The following KIDINS220 variants were observed in gnomAD, a reference collection of about 807,000 sequenced individuals.
KIDINS220 encodes kinase D interacting substrate 220, also known as kinase D-interacting substrate of 220 kDa.
A neutral mutation model predicts 157.6 loss-of-function variants in KIDINS220; 63 were observed. The ratio of observed to expected loss-of-function variants is 0.40; its 90% CI spans 0.33 to 0.49. The LOEUF (loss-of-function observed/expected upper bound fraction) is 0.49, where lower values mean the gene tolerates loss of function less well. KIDINS220 is among the 20% of genes least tolerant of loss of function. The pLI, the probability that KIDINS220 is intolerant of heterozygous loss-of-function variation, is 0.66. For synonymous variants in KIDINS220, 732 were observed against 783.6 expected (o/e 0.93, Z 1.10); for missense variants, 1,772 against 2,171.2 (o/e 0.82, Z 3.65).
chr2:8,799,836 G>A (rs1056753651), intron 9 of KIDINS220, among the ~76,000 whole-genome samples: 1 of 152,174 alleles, frequency 6.6e-6, no homozygotes, highest in Non-Finnish European at 1.5e-5. Flanking sequence ...TAAAGCTCTT[G>A]AAGTATTTGA....
chr2:8,779,495 C>T (rs144047575), intron 18 of KIDINS220, among the ~76,000 whole-genome samples, 179 bp downstream of exon 18: 2 of 152,188 alleles, frequency 1.3e-5, no homozygotes, highest in South Asian at 4.1e-4. Flanking sequence ...TGTGACTAAA[C>T]ATTTATTCTT....
chr2:8,811,513 G>A (rs1331993378), intron 6 of KIDINS220, among the ~76,000 whole-genome samples: 1 of 152,152 alleles, frequency 6.6e-6, no homozygotes, highest in African/African-American at 2.4e-5. Context: ...AGGCAGAGGA[G>A]GGAATAACAT....
At chr2:8,827,762 G>A (rs1679028301) in intron 1 of KIDINS220, among the ~76,000 whole-genome samples, 2 of 151,990 alleles carry the variant, frequency 1.3e-5, no homozygotes, top group African/African-American at 4.8e-5. Context: ...ATTCCACAAT[G>A]GATACATGTA....
At chr2:8,747,398 A>T in intron 25 of KIDINS220, 197 bp from the exon 26 acceptor site, 2 of 566,318 alleles carry the variant, frequency 3.5e-6, no homozygotes, top group East Asian at 5.8e-5. Flanking sequence ...GGAACCTCTA[A>T]TATTTTGGGC....
intron 21 of KIDINS220, among the ~76,000 whole-genome samples, chr2:8,776,348 T>C (rs1425848401): frequency 6.6e-6 from 1 of 152,094 alleles, no homozygotes; most frequent in African/African-American, 2.4e-5. Flanking sequence ...CACAGGGCAA[T>C]AATCCTCAAT....
intron 11 of KIDINS220, 80 bp downstream of exon 11, chr2:8,796,690 AT>A: frequency 3.8e-6 from 4 of 1,040,450 alleles, no homozygotes; most frequent in Non-Finnish European, 6.1e-6. Context: ...CTAAAATCAG[AT>A]CCCCATTAAA....
At chr2:8,827,933 G>A (rs961422481) in intron 1 of KIDINS220, among the ~76,000 whole-genome samples, 1 of 152,060 alleles carries the variant, frequency 6.6e-6, no homozygotes, top group Non-Finnish European at 1.5e-5. Context: ...TCTGAGTGGG[G>A]CCCCTGACTC....
At chr2:8,809,689 C>G (rs2148360393) in intron 6 of KIDINS220, among the ~76,000 whole-genome samples, 1 of 151,668 alleles carries the variant, frequency 6.6e-6, no homozygotes, top group South Asian at 2.1e-4. Flanking sequence ...CTACAGGTTT[C>G]TACCACTTCA....
At chr2:8,833,577 T>C (rs1317044273) in intron 1 of KIDINS220, among the ~76,000 whole-genome samples, 1 of 151,334 alleles carries the variant, frequency 6.6e-6, no homozygotes, top group African/African-American at 2.4e-5. Flanking sequence ...TTAAAAGGAA[T>C]GAATTATTTT....
intron 22 of KIDINS220, among the ~76,000 whole-genome samples, chr2:8,759,506 C>A (rs531536644): frequency 1.4e-3 from 204 of 150,316 alleles, no homozygotes; most frequent in African/African-American, 4.8e-3. Flanking sequence ...ATTAAAAAAA[C>A]CCTTAAACTC....
In KIDINS220 at chr2:8,731,400, C is replaced by T. The variant is rs750297957; in HGVS notation, c.4636G>A (p.Glu1546Lys). 5.0e-6 allele frequency: 8 copies of T among 1,614,064 alleles called. No homozygotes were observed. The Admixed American group carries it at 8.3e-5, about 17-fold the overall frequency. ...TTCGGCACTCTCTCTACTTTCCCTT[C>T]GGCTTTTCTGTCTTTGTCATCTTTG... Reference protein sequence around the residue: ...LLKDDKDRKAEGKVERVPKSP... With the variant: ...LLKDDKDRKAKGKVERVPKSP... Residue 1546 changes from glutamate to lysine, a missense_variant, in exon 30 of 30, where the codon GAA becomes AAA. This residue lies in a region of KIDINS220 where 793 missense variants were observed against 885.5 expected (regional missense o/e 0.90). Transcript: ENST00000256707. The surrounding 1 kb of genome is among the most constrained non-coding windows in gnomAD (Gnocchi z 5.2).
intron 2 of KIDINS220, among the ~76,000 whole-genome samples, chr2:8,821,304 C>G (rs1263751141): frequency 6.6e-6 from 1 of 151,848 alleles, no homozygotes; most frequent in Non-Finnish European, 1.5e-5. Context: ...CACCCAGTAT[C>G]TAGAAAGACA....
chr2:8,794,033 T>C lies in KIDINS220; in HGVS notation c.1099-46A>G, dbSNP rs1014637409. 21 of 1,415,010 alleles carry C rather than the reference T, an allele frequency of 1.5e-5. No individual in the cohort carries two copies. In the African/African-American group the frequency reaches 1.7e-4, roughly 12 times the overall value. The allele number at this position is 1,415,010 out of a possible 1,614,324, so 87.7% of individuals were successfully genotyped here. A position where few individuals can be genotyped will look rare whatever the true frequency, so the allele number is the denominator to read the frequency against. ...ACTTGAACTTTCTTATCTTTATATA[T>C]AGTATGCAGACAGTAACAATTTTCA... On this transcript the variant is annotated intron_variant, in intron 11 of 29. Coordinates refer to ENST00000256707, the MANE Select transcript of KIDINS220 (RefSeq NM_020738.4).
At chr2:8,819,308 A>AAG in intron 2 of KIDINS220, among the ~76,000 whole-genome samples, 2 of 152,182 alleles carry the variant, frequency 1.3e-5, no homozygotes, top group Non-Finnish European at 2.9e-5. Flanking sequence ...AGTTCATTAA[A>AAG]CTAAATAAAG....
intron 4 of KIDINS220, among the ~76,000 whole-genome samples, chr2:8,813,861 T>A (rs1463784093): frequency 6.6e-6 from 1 of 152,088 alleles, no homozygotes; most frequent in Non-Finnish European, 1.5e-5. Context: ...GAGGCAGAGG[T>A]TGCAGTAAGC....
intron 22 of KIDINS220, among the ~76,000 whole-genome samples, chr2:8,763,946 T>A (rs567750184): frequency 6.6e-6 from 1 of 152,248 alleles, no homozygotes; most frequent in Middle Eastern, 3.2e-3. Flanking sequence ...TGCACATATA[T>A]GTTTATAGCA....
At position 8,796,293 on chromosome 2, in the gene KIDINS220, T is replaced by C. The variant is rs953360001; in HGVS notation, c.1098+478A>G. Among the ~76,000 whole-genome samples the C allele has an allele frequency of 3.3e-5, 5 of 152,308 alleles. 1 individual carries two copies. Among genetic ancestry groups the C allele is most frequent in the South Asian group, 4.1e-4 (2 of 4,824 alleles). On this transcript the variant is annotated intron_variant, in intron 11 of 29. Coordinates refer to ENST00000256707, the MANE Select transcript of KIDINS220 (RefSeq NM_020738.4). ...ACTAAAATGAAAAATCAAATCTATA[T>C]GAAGTATGAAGCCACTTAGAGCTAA...
At chr2:8,780,539 T>TG (rs796335387) in intron 17 of KIDINS220, among the ~76,000 whole-genome samples, 1 of 150,972 alleles carries the variant, frequency 6.6e-6, no homozygotes, top group South Asian at 2.1e-4. Context: ...TGTGTGTGTG[T>TG]GTGGTGGGGG....
intron 22 of KIDINS220, among the ~76,000 whole-genome samples, chr2:8,770,256 AAG>A (rs1670018476): frequency 6.6e-6 from 1 of 151,982 alleles, no homozygotes; most frequent in Non-Finnish European, 1.5e-5. Flanking sequence ...AATAAAAAGA[AAG>A]AGCCAGGAGT....
Sources: gnomAD v4.1 joint callset for allele counts (sites outside exome capture counted in the v4.1 genomes callset) on GRCh38, gnomAD v4.1.1 for gene constraint, gnomAD v4.1.1 regional missense constraint, Gnocchi (gnomAD v3.1) non-coding constraint, MANE v1.5 for transcripts, NCBI Gene and HGNC (gene_info 2026-07-23, HGNC 2026-07-21) for gene names.